The following PRIMA1 variants were observed in gnomAD, a reference collection of about 807,000 sequenced individuals.
PRIMA1 encodes proline rich membrane anchor 1, also known as proline-rich membrane anchor 1.
In PRIMA1, 7 loss-of-function variants were observed where a neutral mutation model predicts 17.5. That is an observed-to-expected ratio of 0.40 (90% CI 0.23 to 0.75). The LOEUF (loss-of-function observed/expected upper bound fraction) is 0.75. Ranked by LOEUF, PRIMA1 falls within the 30% of genes least tolerant of loss-of-function variation. The pLI, the probability that PRIMA1 is intolerant of heterozygous loss-of-function variation, is 0.37. For missense variants in PRIMA1, 200 were observed against 201.8 expected (o/e 0.99, Z 0.05); for synonymous variants, 97 against 77.9 (o/e 1.25, Z -1.29).
intron 2 of PRIMA1, among the ~76,000 whole-genome samples, chr14:93,781,048 A>G (rs1366479000): frequency 2.6e-5 from 4 of 152,160 alleles, no homozygotes; most frequent in Non-Finnish European, 2.9e-5. Context: ...AGATGTGGAG[A>G]AGTAATGTGG....
chr14:93,765,070 C>G (rs889094587), intron 3 of PRIMA1, among the ~76,000 whole-genome samples: 1 of 152,066 alleles, frequency 6.6e-6, no homozygotes, highest in Non-Finnish European at 1.5e-5. Flanking sequence ...GAGTCCCCCC[C>G]ACTCCCCTTT....
intron 4 of PRIMA1, 50 bp from the exon 5 acceptor site, chr14:93,721,596 A>AT (rs2076039147): frequency 1.8e-6 from 2 of 1,126,868 alleles, no homozygotes; most frequent in African/African-American, 3.0e-5. Flanking sequence ...GGAGGCAGGG[A>AT]CACCATTAGT....
At chr14:93,766,799 T>C (rs1884904130) in intron 3 of PRIMA1, among the ~76,000 whole-genome samples, 2 of 152,180 alleles carry the variant, frequency 1.3e-5, no homozygotes, top group African/African-American at 4.8e-5. Flanking sequence ...TCAAAACCAA[T>C]GACTGGGTTT....
In PRIMA1 at chr14:93,731,652, ATT is replaced by A. The variant is rs1215291245; in HGVS notation, c.359+5587_359+5588del. On this transcript the variant is annotated intron_variant, in intron 4 of 4. Transcript: ENST00000393140. ...CTCCTTCTCTTCCCCATTAACCTGT[ATT>A]TTTTTTCTCTTCATAGTCTTTAAGA... Among the ~76,000 whole-genome samples the A allele has an allele frequency of 2.0e-5, 3 of 151,892 alleles. No homozygotes were observed. In the East Asian group the frequency reaches 5.8e-4, roughly 29 times the overall value.
At chr14:93,737,625 G>A (rs2076159352) in intron 3 of PRIMA1, among the ~76,000 whole-genome samples, 1 of 151,998 alleles carries the variant, frequency 6.6e-6, no homozygotes, top group Admixed American at 6.5e-5. Context: ...TCACTGGTGG[G>A]ACCATTATGG....
At chr14:93,765,369 G>A (rs1595216358) in intron 3 of PRIMA1, among the ~76,000 whole-genome samples, 1 of 151,046 alleles carries the variant, frequency 6.6e-6, no homozygotes, top group East Asian at 1.9e-4. Context: ...AACAGTTCCT[G>A]TCCTCAGGGA....
intron 3 of PRIMA1, among the ~76,000 whole-genome samples, chr14:93,775,252 T>A (rs568742758): frequency 1.3e-5 from 2 of 152,304 alleles, no homozygotes; most frequent in South Asian, 4.1e-4. Flanking sequence ...GAAGGGACAC[T>A]CCAGTGAACA....
Position 93,755,172 on chromosome 14 carries a change from A to G in PRIMA1, c.230-17802T>C, listed in dbSNP as rs144588391. 5.5e-3 allele frequency among the ~76,000 whole-genome samples: 842 copies of G among 152,326 alleles called. 6 individuals are homozygous for G. Among genetic ancestry groups the G allele is most frequent in the African/African-American group, 0.019 (806 of 41,576 alleles). On this transcript the variant is annotated intron_variant, in intron 3 of 4. Coordinates refer to ENST00000393140, the MANE Select transcript of PRIMA1 (RefSeq NM_178013.4). ...GCTCAGGTGCTCCCTCCCCAGAGGC[A>G]ACCATTGGAGGAGGTAACCGATTCC...
chr14:93,788,577 G>A (rs1021427204), upstream of PRIMA1: 4 of 152,268 alleles, frequency 2.6e-5, no homozygotes, highest in Non-Finnish European at 5.9e-5. Context: ...TGGCGGCTGC[G>A]CGGGCGCCCG....
rs1017850336 is a variant in PRIMA1, at chr14:93,763,500, G to T, written c.229+15676C>A. ...CTGGACTATTGAAGCTCACACCACC[G>T]ATTGTCTTCCATGGCCCCCAGCCGA... On this transcript the variant is annotated intron_variant, in intron 3 of 4. Coordinates refer to ENST00000393140, the MANE Select transcript of PRIMA1 (RefSeq NM_178013.4). Among the ~76,000 whole-genome samples, 5 of 152,136 alleles carry T rather than the reference G, an allele frequency of 3.3e-5. No homozygotes were observed. In the East Asian group the frequency reaches 9.7e-4, roughly 29 times the overall value.
intron 3 of PRIMA1, among the ~76,000 whole-genome samples, chr14:93,752,967 C>T (rs761686061): frequency 6.6e-6 from 1 of 152,158 alleles, no homozygotes; most frequent in South Asian, 2.1e-4. Context: ...TAGAATGCCT[C>T]GCAGCATCCC....
intron 1 of PRIMA1, among the ~76,000 whole-genome samples, chr14:93,788,127 C>G (rs543795225): frequency 1.6e-4 from 24 of 152,298 alleles, no homozygotes; most frequent in African/African-American, 5.3e-4. Flanking sequence ...GCACTACTCA[C>G]CTGCGCGCAC....
At chr14:93,740,026 T>C (rs965930009) in intron 3 of PRIMA1, among the ~76,000 whole-genome samples, 3 of 151,292 alleles carry the variant, frequency 2.0e-5, no homozygotes, top group Non-Finnish European at 2.9e-5. Flanking sequence ...GATTGTGCCA[T>C]TGCACTCCAG....
In PRIMA1 at chr14:93,766,126, G is replaced by A. The variant is rs539345732; in HGVS notation, c.229+13050C>T. The stretch of plus-strand genomic sequence containing the variant: ...CACAGTGGCTGTAGATTTTTTTAAA[G>A]ACCAGTTTTTCAGAAGATGCTCATC... On this transcript the variant is annotated intron_variant, in intron 3 of 4. Transcript: ENST00000393140. 3.3e-5 allele frequency among the ~76,000 whole-genome samples: 5 copies of A among 152,266 alleles called. No homozygotes were observed. The South Asian group carries it at 1.0e-3, about 32-fold the overall frequency.
In PRIMA1 at chr14:93,775,502, T is replaced by C. The variant is rs147448376; in HGVS notation, c.229+3674A>G. ...TTGTTTGTTTTGTTGTTTTTTGCTG[T>C]TGTTGTTGTTTTTGAGGCAGAGTTA... On this transcript the variant is annotated intron_variant, in intron 3 of 4. Coordinates refer to ENST00000393140, the MANE Select transcript of PRIMA1 (RefSeq NM_178013.4). Among the ~76,000 whole-genome samples, 180 of 152,174 alleles carry C rather than the reference T, an allele frequency of 1.2e-3. 2 individuals are homozygous for C. The South Asian group carries it at 0.017, about 14-fold the overall frequency.
At chr14:93,734,864 A>G (rs2076139685) in intron 4 of PRIMA1, among the ~76,000 whole-genome samples, 1 of 152,138 alleles carries the variant, frequency 6.6e-6, no homozygotes, top group Admixed American at 6.5e-5. Context: ...GCTCAGAGAA[A>G]GTGGAAGAGG....
At position 93,737,304 on chromosome 14, in the gene PRIMA1, A is replaced by T; in HGVS notation, c.296T>A (p.Val99Glu). ...CAGAAACACCAGGGAGGCACAGCAT[A>T]CGGCAATGATGATCACCAGCCCCGA... is the stretch of plus-strand genomic sequence containing the variant. ...WWSGLVIIIA[V>E]CCASLVFLTV... The change falls in exon 4 of 5, where the codon GTA becomes GAA. Residue 99 changes from valine (V) to glutamate (E), a missense_variant. Physicochemically the swap from Val to Glu is moderately radical, Grantham distance 121. Transcript: ENST00000393140. 1 of 1,614,186 alleles carries T rather than the reference A, an allele frequency of 6.2e-7. No individual in the cohort carries two copies. Among genetic ancestry groups the T allele is most frequent in the Non-Finnish European group, 8.5e-7 (1 of 1,180,038 alleles).
At chr14:93,782,194 G>A (rs1490652102) in intron 2 of PRIMA1, among the ~76,000 whole-genome samples, 1 of 152,106 alleles carries the variant, frequency 6.6e-6, no homozygotes, top group Non-Finnish European at 1.5e-5. Context: ...CGTGAACACG[G>A]GAGGCGGAGC....
chr14:93,762,397 C>T (rs191760318), intron 3 of PRIMA1, among the ~76,000 whole-genome samples: 3 of 152,240 alleles, frequency 2.0e-5, no homozygotes, highest in Admixed American at 2.0e-4. Flanking sequence ...TGGCCTCGTC[C>T]TGGCTCCAGC....
Sources: allele counts gnomAD v4.1 joint callset (sites outside exome capture counted in the v4.1 genomes callset), GRCh38; gene constraint gnomAD v4.1.1; transcripts MANE v1.5; gene names NCBI Gene and HGNC (gene_info 2026-07-23, HGNC 2026-07-21).